GABPB1: variants seen among roughly 807,000 people sequenced by gnomAD.
The protein encoded by GABPB1 is GA-binding protein subunit beta-1.
Under a neutral mutation model 45.9 loss-of-function variants are expected in GABPB1, and 15 were observed. That is an observed-to-expected ratio of 0.33 (90% CI 0.22 to 0.50). The LOEUF is 0.50. Among genes scored for constraint, GABPB1 ranks in the 20% least tolerant of loss-of-function variants. GABPB1 has a pLI of 0.98. For synonymous variants in GABPB1, 143 were observed against 154.4 expected (o/e 0.93, Z 0.55); for missense variants, 252 against 457.5 (o/e 0.55, Z 4.10).
chr15:50,320,820 T>C lies in GABPB1; in HGVS notation c.1-11022A>G, dbSNP rs374777636. 1.8e-4 allele frequency among the ~76,000 whole-genome samples: 28 copies of C among 152,154 alleles called. No homozygotes were observed. The South Asian group carries it at 5.4e-3, about 29-fold the overall frequency. ...AGATCAGAGAGAGAATGAGAGAGAT[T>C]TGAAGATACTATGCTGTTGGCCTTA... On this transcript the variant is annotated intron_variant, in intron 1 of 8. Transcript: ENST00000380877.
intron 6 of GABPB1, among the ~76,000 whole-genome samples, chr15:50,291,568 C>T (rs1351705581): frequency 6.6e-6 from 1 of 151,210 alleles, no homozygotes; most frequent in Non-Finnish European, 1.5e-5. Flanking sequence ...CCTTGTGATC[C>T]GCCTGCCTTG....
intron 1 of GABPB1, among the ~76,000 whole-genome samples, chr15:50,342,243 T>C (rs989236038): frequency 2.6e-5 from 4 of 152,172 alleles, no homozygotes; most frequent in Non-Finnish European, 5.9e-5. Flanking sequence ...CATTATTAGA[T>C]AGATTCCATC....
intron 1 of GABPB1, among the ~76,000 whole-genome samples, chr15:50,310,844 G>A (rs1250952611): frequency 6.6e-6 from 1 of 151,930 alleles, no homozygotes; most frequent in African/African-American, 2.4e-5. Flanking sequence ...GGGCATGGGG[G>A]CTCACACCTA....
intron 6 of GABPB1, among the ~76,000 whole-genome samples, chr15:50,291,817 C>T (rs2046351109): frequency 6.6e-6 from 1 of 150,728 alleles, no homozygotes; most frequent in African/African-American, 2.4e-5. Context: ...ACTTGGGAGG[C>T]TAGGGTGGGA....
rs1432993630 is a variant in GABPB1, at chr15:50,277,933, GT to G, written c.*698del. Reference sequence around the variant, plus strand: ...TTTCAATGACCTACAGAGTAAAGGGGTTTTGTTTTTGTTTTTTTCTGGTCAC... The same window carrying G: ...TTTCAATGACCTACAGAGTAAAGGGGTTTGTTTTTGTTTTTTTCTGGTCAC... On this transcript the variant is annotated 3_prime_UTR_variant, in exon 9 of 9. Coordinates refer to ENST00000380877, the MANE Select transcript of GABPB1 (RefSeq NM_016654.5). The G allele has an allele frequency of 5.9e-5, 9 of 152,336 alleles. No individual in the cohort carries two copies. Among genetic ancestry groups the G allele is most frequent in the African/African-American group, 1.7e-4 (7 of 41,378 alleles). The allele number at this position is 152,336 out of a possible 1,614,324, so 9.4% of individuals were successfully genotyped here. A position where few individuals can be genotyped will look rare whatever the true frequency, so the allele number is the denominator to read the frequency against.
chr15:50,340,825 T>C (rs2048331906), intron 1 of GABPB1, among the ~76,000 whole-genome samples: 1 of 151,324 alleles, frequency 6.6e-6, no homozygotes, highest in East Asian at 1.9e-4. Context: ...ATTCTCTTTG[T>C]AGGAGTGCAA....
At chr15:50,302,599 G>A (rs934582704) in intron 4 of GABPB1, among the ~76,000 whole-genome samples, 3 of 131,988 alleles carry the variant, frequency 2.3e-5, no homozygotes, top group South Asian at 5.0e-4. Context: ...AGCCAAGATC[G>A]TGCCACTACA....
rs188734430 is a variant in GABPB1, at chr15:50,295,433, T to G, written c.697+5356A>C. On this transcript the variant is annotated intron_variant, in intron 6 of 8. Transcript: ENST00000380877. Reference sequence around the variant, plus strand: ...TGCTAAAATGTTCTTCCCCAAACTTTTCCCTACTAACGCCTACTTTAATTT... The same window carrying G: ...TGCTAAAATGTTCTTCCCCAAACTTGTCCCTACTAACGCCTACTTTAATTT... 3.1e-3 allele frequency among the ~76,000 whole-genome samples: 467 copies of G among 152,308 alleles called. 2 individuals carry two copies. The highest frequency in any genetic ancestry group is 0.011 in the African/African-American group (456 of 41,564).
In GABPB1 at chr15:50,317,382, C is replaced by T. The variant is rs1285630411; in HGVS notation, c.1-7584G>A. ...TTCTGCCATTGCACTCCAGCCTGGG[C>T]AACAAGAGCAAAACTCCGTCTCAAA... is the stretch of plus-strand genomic sequence containing the variant. On this transcript the variant is annotated intron_variant, in intron 1 of 8. Coordinates refer to ENST00000380877, the MANE Select transcript of GABPB1 (RefSeq NM_016654.5). 5.1e-5 allele frequency among the ~76,000 whole-genome samples: 6 copies of T among 118,540 alleles called. No individual in the cohort carries two copies. In the South Asian group the frequency reaches 1.8e-3, roughly 35 times the overall value. 77.8% of individuals were successfully genotyped at this position (118,540 alleles called of 152,430 possible).
intron 1 of GABPB1, chr15:50,354,350 G>C: frequency 2.2e-6 from 1 of 446,896 alleles, no homozygotes; most frequent in Non-Finnish European, 4.5e-6. Context: ...CGCTGCGGGG[G>C]CCCCGCGCGG....
At chr15:50,336,593 G>C (rs2048136911) in intron 1 of GABPB1, among the ~76,000 whole-genome samples, 1 of 151,590 alleles carries the variant, frequency 6.6e-6, no homozygotes, top group South Asian at 2.1e-4. Flanking sequence ...TGAAGAAGGA[G>C]GATCACTTGA....
At chr15:50,323,933 T>C (rs1595805499) in intron 1 of GABPB1, among the ~76,000 whole-genome samples, 1 of 152,118 alleles carries the variant, frequency 6.6e-6, no homozygotes, top group Non-Finnish European at 1.5e-5. Context: ...CTGGGTGTGG[T>C]GCTCATGCCT....
intron 1 of GABPB1, among the ~76,000 whole-genome samples, chr15:50,317,812 G>A (rs574204591): frequency 6.6e-6 from 1 of 151,938 alleles, no homozygotes; most frequent in African/African-American, 2.4e-5. Context: ...GGGAGGCTGA[G>A]GCAGGAGAAT....
At chr15:50,278,864 T>TAAA in intron 8 of GABPB1, 80 bp from the exon 9 acceptor site, 47 of 915,904 alleles carry the variant, frequency 5.1e-5, no homozygotes, top group Non-Finnish European at 6.4e-5. Context: ...TCCTTCAAAT[T>TAAA]AAAAAAAAAA....
At chr15:50,323,723 G>C (rs75697221) in intron 1 of GABPB1, among the ~76,000 whole-genome samples, 3,905 of 152,036 alleles carry the variant, frequency 0.026, 93 homozygotes, top group African/African-American at 0.063. Flanking sequence ...AAAATTAGCT[G>C]TATGTGGTCC....
chr15:50,316,506 T>A (rs988966765), intron 1 of GABPB1, among the ~76,000 whole-genome samples: 14 of 152,198 alleles, frequency 9.2e-5, no homozygotes, highest in African/African-American at 3.4e-4. Flanking sequence ...TAAAATAAAC[T>A]TGCTATATAA....
intron 1 of GABPB1, among the ~76,000 whole-genome samples, chr15:50,335,284 G>C (rs1362058681): frequency 6.6e-6 from 1 of 152,198 alleles, no homozygotes; most frequent in Non-Finnish European, 1.5e-5. Flanking sequence ...TTACCTCTCA[G>C]CTGTAGATAT....
Position 50,276,079 on chromosome 15 carries a change from C to T in GABPB1, c.*2553G>A, listed in dbSNP as rs1194938754. ...ACACTAAATGGCTTGTCTTGCAGAA[C>T]CCTGGTTGAGAAAGGTTGCTCCAGG... On this transcript the variant is annotated 3_prime_UTR_variant, in exon 9 of 9. Transcript: ENST00000380877. 1 of 152,174 alleles carries T rather than the reference C, an allele frequency of 6.6e-6. No individual in the cohort carries two copies. The highest frequency in any genetic ancestry group is 1.5e-5 in the Non-Finnish European group (1 of 68,032). 9.4% of individuals were successfully genotyped at this position (152,174 alleles called of 1,614,324 possible). A position where few individuals can be genotyped will look rare whatever the true frequency, so the allele number is the denominator to read the frequency against.
intron 6 of GABPB1, among the ~76,000 whole-genome samples, chr15:50,294,403 A>T (rs2046445124): frequency 6.6e-6 from 1 of 152,092 alleles, no homozygotes; most frequent in African/African-American, 2.4e-5. Context: ...AGTCCCAGCT[A>T]CTCAGGAGGC....
Sources: allele counts gnomAD v4.1 joint callset (sites outside exome capture counted in the v4.1 genomes callset), GRCh38; gene constraint gnomAD v4.1.1; transcripts MANE v1.5; gene names NCBI Gene and HGNC (gene_info 2026-07-23, HGNC 2026-07-21).